The following MID1 variants were observed in gnomAD, a reference collection of about 807,000 sequenced individuals.
The protein encoded by MID1 is E3 ubiquitin-protein ligase Midline-1.
Under a neutral mutation model 40.4 loss-of-function variants are expected in MID1, and 7 were observed. The observed-to-expected ratio is 0.17, with a 90% CI of 0.10 to 0.33. The LOEUF (loss-of-function observed/expected upper bound fraction) is 0.33, where lower values mean the gene tolerates loss of function less well. MID1 is among the 10% of genes least tolerant of loss of function. The probability of loss-of-function intolerance (pLI) is 1.00; values close to 1 mark genes in which losing one functional copy is unlikely to be tolerated. For synonymous variants in MID1, 229 were observed against 221.2 expected, an observed-to-expected ratio of 1.04 and a Z score of -0.31; for missense variants, 367 against 558.5, an observed-to-expected ratio of 0.66 and a Z score of 3.46.
chrX:10,634,137 T>C (rs1011636535), intron 1 of MID1, among the ~76,000 whole-genome samples: 3 of 111,385 alleles, frequency 2.7e-5, no homozygotes, highest in East Asian at 2.8e-4. Flanking sequence ...CCATCAAAGA[T>C]GCATATAGAG....
chrX:10,730,173 G>C (rs1252189292), intron 1 of MID1, among the ~76,000 whole-genome samples: 2 of 110,616 alleles, frequency 1.8e-5, no homozygotes, highest in African/African-American at 3.3e-5. Flanking sequence ...AATTAACCTA[G>C]TAGATGTATT....
intron 1 of MID1, among the ~76,000 whole-genome samples, chrX:10,694,188 C>G (rs759664971): frequency 1.8e-5 from 2 of 112,246 alleles, no homozygotes; most frequent in South Asian, 7.5e-4. Flanking sequence ...GGGGGAGTTT[C>G]ATGGCCACGA....
At chrX:10,492,881 C>T (rs1017344429) in intron 4 of MID1, among the ~76,000 whole-genome samples, 2 of 111,859 alleles carry the variant, frequency 1.8e-5, no homozygotes, top group African/African-American at 6.5e-5. Flanking sequence ...TGGGGTAGAA[C>T]GAGTGCACCG....
At chrX:10,462,687 G>A (rs949122311) in intron 7 of MID1, among the ~76,000 whole-genome samples, 1 of 110,967 alleles carries the variant, frequency 9.0e-6, no homozygotes, top group African/African-American at 3.3e-5. Flanking sequence ...TGGGTTAGAA[G>A]CATTTCCCTA....
rs568299904 is a variant in MID1 at position 10,690,446 on chromosome X, G to A, written c.-186-70027C>T. On this transcript the variant is annotated intron_variant, in intron 1 of 10. Coordinates refer to the MID1 transcript ENST00000380785. Reference sequence around the variant, plus strand: ...ACTTTGTGACAATAAGGCTGTTAGCGTTATCCTTCTAAAATATGAATTCAA... The same window carrying A: ...ACTTTGTGACAATAAGGCTGTTAGCATTATCCTTCTAAAATATGAATTCAA... Among the ~76,000 whole-genome samples, 5 of 112,244 alleles carry A rather than the reference G, an allele frequency of 4.5e-5. No homozygotes were observed. The South Asian group carries it at 1.1e-3, about 25-fold the overall frequency.
At chrX:10,691,115 C>T (rs763281620) in intron 1 of MID1, among the ~76,000 whole-genome samples, 1 of 112,231 alleles carries the variant, frequency 8.9e-6, no homozygotes, top group Non-Finnish European at 1.9e-5. Context: ...GAGCCATATA[C>T]AGCATTTCAA....
chrX:10,514,435 A>G (rs1385112401), intron 3 of MID1, among the ~76,000 whole-genome samples: 2 of 111,977 alleles, frequency 1.8e-5, no homozygotes, highest in Non-Finnish European at 3.8e-5. Flanking sequence ...AAGAAACAGG[A>G]TCCAATGCCT....
intron 1 of MID1, among the ~76,000 whole-genome samples, chrX:10,747,455 G>A (rs2043566137): frequency 8.9e-6 from 1 of 111,829 alleles, no homozygotes; most frequent in African/African-American, 3.2e-5. Context: ...TCAGGGGAAG[G>A]GATATGAGTA....
chrX:10,785,390 C>T (rs2043875328), intron 1 of MID1, among the ~76,000 whole-genome samples: 1 of 110,979 alleles, frequency 9.0e-6, no homozygotes, highest in Admixed American at 9.6e-5. Flanking sequence ...GGTCATACTG[C>T]CCAAGGTAAT....
At chrX:10,759,464 C>G (rs2043659612) in intron 1 of MID1, among the ~76,000 whole-genome samples, 1 of 111,558 alleles carries the variant, frequency 9.0e-6, no homozygotes, top group Admixed American at 9.5e-5. Context: ...TTCTGGTGAT[C>G]TATGCCAGTG....
intron 1 of MID1, among the ~76,000 whole-genome samples, chrX:10,710,960 CGGCCAT>C (rs1339288828): frequency 9.0e-6 from 1 of 111,381 alleles, no homozygotes; most frequent in East Asian, 2.8e-4. Flanking sequence ...AGACAGAAAC[CGGCCAT>C]GTCTTTTCTT....
intron 1 of MID1, among the ~76,000 whole-genome samples, chrX:10,706,423 G>A (rs752746054): frequency 9.0e-6 from 1 of 110,824 alleles, no homozygotes; most frequent in Non-Finnish European, 1.9e-5. Context: ...CACATGTCAT[G>A]GGAGGGACCT....
At chrX:10,521,895 A>C (rs2147367284) in intron 3 of MID1, among the ~76,000 whole-genome samples, 1 of 112,263 alleles carries the variant, frequency 8.9e-6, no homozygotes, top group Non-Finnish European at 1.9e-5. Flanking sequence ...GCTGGAGTGC[A>C]GTGGTGCAAT....
chrX:10,531,893 A>G (rs1321056118), intron 2 of MID1, among the ~76,000 whole-genome samples: 1 of 111,982 alleles, frequency 8.9e-6, no homozygotes, highest in African/African-American at 3.2e-5. Flanking sequence ...CAATAAATAC[A>G]TTTGTTGGTT....
intron 1 of MID1, among the ~76,000 whole-genome samples, chrX:10,804,750 G>T (rs761046117): frequency 8.1e-5 from 9 of 111,025 alleles, no homozygotes; most frequent in African/African-American, 3.0e-4. Flanking sequence ...TTCCTCTTAG[G>T]TGAGACAGGA....
At chrX:10,696,204 C>T (rs1360351631) in intron 1 of MID1, among the ~76,000 whole-genome samples, 3 of 111,403 alleles carry the variant, frequency 2.7e-5, no homozygotes, top group Non-Finnish European at 5.6e-5. Context: ...TGGTATATGA[C>T]CTTCGTCTAG....
intron 1 of MID1, among the ~76,000 whole-genome samples, chrX:10,795,438 A>C (rs1201447015): frequency 8.9e-6 from 1 of 112,099 alleles, no homozygotes; most frequent in Non-Finnish European, 1.9e-5. Context: ...CAAGGCCAGG[A>C]TTGCTCTTAT....
chrX:10,636,785 G>GATATATATATATAT (rs60188235), intron 1 of MID1, among the ~76,000 whole-genome samples: 3,611 of 42,233 alleles, frequency 0.086, 330 homozygotes, highest in Non-Finnish European at 0.098. Flanking sequence ...CAACAATGGG[G>GATATATATATATAT]ATATATATAT....
In MID1 at chrX:10,459,700, C is replaced by T; in HGVS notation, c.1393G>A (p.Ala465Thr). 2.5e-6 allele frequency: 3 copies of T among 1,211,692 alleles called. No homozygotes were observed. Among genetic ancestry groups the T allele is most frequent in the Non-Finnish European group, 3.4e-6 (3 of 895,495 alleles). The change falls in exon 8 of 10, where the codon GCC becomes ACC. Residue 465 changes from alanine (A) to threonine (T), a missense_variant. Transcript: ENST00000317552. ...CTGCGGCTGCCCGCCTGGTTGATGG[C>T]CTTGACCATGAAGATGTACTTGGTG... ...SGTKYIFMVK[A>T]INQAGSRSSE...
Sources: allele counts gnomAD v4.1 joint callset (sites outside exome capture counted in the v4.1 genomes callset), GRCh38; gene constraint gnomAD v4.1.1; transcripts MANE v1.5; gene names NCBI Gene and HGNC (gene_info 2026-07-23, HGNC 2026-07-21).